The following GAN variants were observed in gnomAD, a reference collection of about 807,000 sequenced individuals.
GAN encodes the protein epididymis secretory sperm binding protein.
In GAN, 48 loss-of-function variants were observed where a neutral mutation model predicts 71.3. The ratio of observed to expected loss-of-function variants is 0.67; its 90% CI spans 0.53 to 0.86. The LOEUF is 0.86. Among genes scored for constraint, GAN ranks in the 40% least tolerant of loss-of-function variants. The pLI is 0.00. For synonymous variants in GAN, 386 were observed against 276.8 expected (o/e 1.39, Z -3.92); for missense variants, 928 against 770.1 (o/e 1.21, Z -2.43).
At position 81,315,021 on chromosome 16, in the gene GAN, C is replaced by CGGGCGG. The variant is rs796692134; in HGVS notation, c.-91_-86dup. 5.7e-5 allele frequency: 62 copies of CGGGCGG among 1,095,254 alleles called. No homozygotes were observed. In the South Asian group the frequency reaches 1.3e-3, roughly 23 times the overall value. The allele number at this position is 1,095,254 out of a possible 1,614,324, so 67.8% of individuals were successfully genotyped here. A position where few individuals can be genotyped will look rare whatever the true frequency, so the allele number is the denominator to read the frequency against. On this transcript the variant is annotated 5_prime_UTR_variant, in exon 1 of 11. Coordinates refer to ENST00000648994, the MANE Select transcript of GAN (RefSeq NM_022041.4). ...CTGCTCAGAGCGCGGAGAGCCGGGC[C>CGGGCGG]GGGCGGGCGCGCGCGCAGGACTCGG...
At chr16:81,325,930 T>C (rs559299342) in intron 1 of GAN, among the ~76,000 whole-genome samples, 4 of 152,358 alleles carry the variant, frequency 2.6e-5, no homozygotes, top group African/African-American at 9.6e-5. Flanking sequence ...ATGTGTTTCT[T>C]GTCTCTCTGC....
At chr16:81,336,837 T>A (rs1489883390) in intron 1 of GAN, among the ~76,000 whole-genome samples, 1 of 152,064 alleles carries the variant, frequency 6.6e-6, no homozygotes, top group East Asian at 1.9e-4. Flanking sequence ...TACAAATATA[T>A]CCCCTTTCCC....
At chr16:81,374,869 G>A (rs1413824023) in intron 9 of GAN, among the ~76,000 whole-genome samples, 1 of 152,208 alleles carries the variant, frequency 6.6e-6, no homozygotes, top group Non-Finnish European at 1.5e-5. Context: ...AATTTAGTGG[G>A]GGAAAGAAAA....
chr16:81,324,073 T>C (rs1057347459), intron 1 of GAN, among the ~76,000 whole-genome samples: 3 of 152,232 alleles, frequency 2.0e-5, no homozygotes, highest in Non-Finnish European at 2.9e-5. Context: ...GCTGTGTTTA[T>C]CAGAGTAGAA....
intron 9 of GAN, among the ~76,000 whole-genome samples, chr16:81,371,446 G>A (rs1029521245): frequency 6.6e-6 from 1 of 152,198 alleles, no homozygotes; most frequent in East Asian, 1.9e-4. Context: ...TATTGCTTTA[G>A]AGTGTTGCTC....
In GAN at chr16:81,369,619, T is replaced by C. The variant is rs9935244; in HGVS notation, c.1502+4141T>C. ...TCTTTTGCTTTTTTTTGAGACGGAG[T>C]CTCACTCTGTTGCCCAGGCTGGAGT... On this transcript the variant is annotated intron_variant, in intron 9 of 10. Coordinates refer to ENST00000648994, the MANE Select transcript of GAN (RefSeq NM_022041.4). 9.2e-3 allele frequency among the ~76,000 whole-genome samples: 1,397 copies of C among 152,252 alleles called. 16 individuals carry two copies. The highest frequency in any genetic ancestry group is 0.032 in the African/African-American group (1,320 of 41,522).
intron 5 of GAN, 46 bp from the exon 6 acceptor site, chr16:81,362,453 G>A (rs754820782): frequency 1.0e-6 from 1 of 961,262 alleles, no homozygotes; most frequent in South Asian, 1.3e-5. Flanking sequence ...GTTTATGGGT[G>A]TTGAAGACTC....
chr16:81,388,985 T>C lies in GAN; in HGVS notation c.*11389T>C, dbSNP rs551692443. 14 of 152,348 alleles carry C rather than the reference T, an allele frequency of 9.2e-5. No individual in the cohort carries two copies. Among genetic ancestry groups the C allele is most frequent in the African/African-American group, 3.1e-4 (13 of 41,584 alleles). 9.4% of individuals were successfully genotyped at this position (152,348 alleles called of 1,614,324 possible). ...ACTTATGTTTTATTTTAAAAAATCA[T>C]GTAGGATCTGGTACATGGGGCGGGC... On this transcript the variant is annotated 3_prime_UTR_variant, in exon 11 of 11. Coordinates refer to ENST00000648994, the MANE Select transcript of GAN (RefSeq NM_022041.4).
At chr16:81,363,331 T>C (rs1224501878) in intron 6 of GAN, among the ~76,000 whole-genome samples, 1 of 152,242 alleles carries the variant, frequency 6.6e-6, no homozygotes, top group Non-Finnish European at 1.5e-5. Flanking sequence ...TCACCATGTA[T>C]TTCTTAAGTT....
intron 9 of GAN, among the ~76,000 whole-genome samples, chr16:81,370,610 G>A (rs1393592055): frequency 6.6e-6 from 1 of 152,226 alleles, no homozygotes; most frequent in Admixed American, 6.5e-5. Flanking sequence ...GTGTGCTGAG[G>A]CCGCTGGAGA....
chr16:81,355,955 T>G (rs1000451721), intron 3 of GAN, among the ~76,000 whole-genome samples: 3 of 152,196 alleles, frequency 2.0e-5, no homozygotes, highest in African/African-American at 7.2e-5. Context: ...TTGGGGAAAT[T>G]GGTAAAGGAG....
intron 5 of GAN, 105 bp from the exon 6 acceptor site, chr16:81,362,391 ATTG>A: frequency 4.1e-6 from 3 of 730,140 alleles, no homozygotes; most frequent in Non-Finnish European, 7.5e-6. Flanking sequence ...CAAAGAGAAC[ATTG>A]TTGTCATCAG....
chr16:81,333,505 C>G (rs1024469433), intron 1 of GAN, among the ~76,000 whole-genome samples: 1 of 152,102 alleles, frequency 6.6e-6, no homozygotes, highest in African/African-American at 2.4e-5. Flanking sequence ...GAGGAATAGG[C>G]TATGCATAGC....
chr16:81,337,899 A>G (rs1909817996), intron 1 of GAN, among the ~76,000 whole-genome samples: 1 of 152,182 alleles, frequency 6.6e-6, no homozygotes. Context: ...ATAAATCCTT[A>G]AGTACTGATT....
At chr16:81,352,384 C>G (rs970962434) in intron 2 of GAN, among the ~76,000 whole-genome samples, 1 of 152,186 alleles carries the variant, frequency 6.6e-6, no homozygotes, top group African/African-American at 2.4e-5. Flanking sequence ...GACGTGATTT[C>G]AAGCAAAGCA....
Position 81,377,832 on chromosome 16 carries a change from G to C in GAN, c.*236G>C. 3.5e-6 allele frequency: 2 copies of C among 575,304 alleles called. No homozygotes were observed. The highest frequency in any genetic ancestry group is 4.1e-5 in the South Asian group (2 of 48,712). The allele number at this position is 575,304 out of a possible 1,614,324, so 35.6% of individuals were successfully genotyped here. On this transcript the variant is annotated 3_prime_UTR_variant, in exon 11 of 11. Coordinates refer to ENST00000648994, the MANE Select transcript of GAN (RefSeq NM_022041.4). The stretch of plus-strand genomic sequence containing the variant: ...CCTCCAGTTAAATGTGGCTGTAGAT[G>C]TTGGAGGCTAGGGAGGCTAGTAAAT...
At chr16:81,321,424 G>A (rs551100727) in intron 1 of GAN, among the ~76,000 whole-genome samples, 7 of 152,122 alleles carry the variant, frequency 4.6e-5, no homozygotes, top group Non-Finnish European at 1.0e-4. Context: ...TTTCTCCTGT[G>A]ATGTCTCCTT....
At chr16:81,377,160 C>G (rs1378944602) in intron 9 of GAN, 59 bp from the exon 10 acceptor site, 11 of 1,007,856 alleles carry the variant, frequency 1.1e-5, no homozygotes, top group Non-Finnish European at 1.6e-5. Context: ...GTCAGTCTTC[C>G]TAGATGTTGT....
rs1288931187 is a variant in GAN, at chr16:81,353,586, T to A, written c.283-819T>A. On this transcript the variant is annotated intron_variant, in intron 2 of 10. Coordinates refer to ENST00000648994, the MANE Select transcript of GAN (RefSeq NM_022041.4). ...AAAAAGTGTAAAATGTAAAAATGTTTCTTGCTATACTCCTCATGAAGTCTC... is the reference window on the plus strand; with the variant it reads ...AAAAAGTGTAAAATGTAAAAATGTTACTTGCTATACTCCTCATGAAGTCTC... Among the ~76,000 whole-genome samples, 3 of 152,322 alleles carry A rather than the reference T, an allele frequency of 2.0e-5. No individual in the cohort carries two copies. The South Asian group carries it at 6.2e-4, about 32-fold the overall frequency.
Sources: allele counts gnomAD v4.1 joint callset (sites outside exome capture counted in the v4.1 genomes callset), GRCh38; gene constraint gnomAD v4.1.1; transcripts MANE v1.5; gene names NCBI Gene and HGNC (gene_info 2026-07-23, HGNC 2026-07-21).